The following DNER variants were observed in gnomAD, a reference collection of about 807,000 sequenced individuals.
DNER encodes delta/notch like EGF repeat containing, also known as delta and Notch-like epidermal growth factor-related receptor.
Under a neutral mutation model 78.2 loss-of-function variants are expected in DNER, and 33 were observed. The ratio of observed to expected loss-of-function variants is 0.42; its 90% CI spans 0.32 to 0.56. The LOEUF (loss-of-function observed/expected upper bound fraction) is 0.56, where lower values mean the gene tolerates loss of function less well. DNER is among the 20% of genes least tolerant of loss of function. The pLI is 0.11. For synonymous variants in DNER, 417 were observed against 384.8 expected, an observed-to-expected ratio of 1.08 and a Z score of -0.98; for missense variants, 918 against 975.3, an observed-to-expected ratio of 0.94 and a Z score of 0.78.
intron 1 of DNER, among the ~76,000 whole-genome samples, chr2:229,687,516 G>A (rs537932674): frequency 6.5e-4 from 99 of 151,860 alleles, no homozygotes; most frequent in Admixed American, 1.0e-3. Flanking sequence ...CACCTACCTC[G>A]GCCTCCCAAA....
intron 6 of DNER, among the ~76,000 whole-genome samples, chr2:229,505,177 A>AGTGTGTGTGTGT (rs144321798): frequency 0.069 from 8,741 of 126,346 alleles, 440 homozygotes; most frequent in African/African-American, 0.095. Context: ...GTGTTGCTGC[A>AGTGTGTGTGTGT]GTGTGTGTGT....
chr2:229,437,974 A>G (rs1694158486), intron 8 of DNER, among the ~76,000 whole-genome samples: 1 of 152,216 alleles, frequency 6.6e-6, no homozygotes, highest in African/African-American at 2.4e-5. Flanking sequence ...CATAGCTGTC[A>G]TGTGGTTATG....
At chr2:229,382,270 A>G (rs1692757385) in intron 11 of DNER, among the ~76,000 whole-genome samples, 2 of 152,208 alleles carry the variant, frequency 1.3e-5, no homozygotes, top group South Asian at 2.1e-4. Context: ...GGTCACCAAC[A>G]TCAAAGACCA....
chr2:229,374,789 T>TA lies in DNER; in HGVS notation c.1856-7671dup, dbSNP rs559811559. 5.7e-4 allele frequency among the ~76,000 whole-genome samples: 86 copies of TA among 149,738 alleles called. 1 individual carries two copies. Among genetic ancestry groups the TA allele is most frequent in the Admixed American group, 2.7e-3 (40 of 15,058 alleles). On this transcript the variant is annotated intron_variant, in intron 11 of 12. Transcript: ENST00000341772. ...AATGTAATGGGGCCAGACTCACATTTAAAAAAAAAAATTTAGAGAACTATT... is the reference window on the plus strand; with the variant it reads ...AATGTAATGGGGCCAGACTCACATTTAAAAAAAAAAAATTTAGAGAACTATT...
chr2:229,471,333 A>G (rs1051865949), intron 7 of DNER, among the ~76,000 whole-genome samples: 3 of 141,502 alleles, frequency 2.1e-5, no homozygotes, highest in African/African-American at 7.9e-5. Context: ...TTATATAGCT[A>G]GGTTACCCAA....
intron 1 of DNER, among the ~76,000 whole-genome samples, chr2:229,593,985 C>T (rs1001303160): frequency 6.6e-6 from 1 of 152,210 alleles, no homozygotes; most frequent in African/African-American, 2.4e-5. Context: ...AAGGCAAGGA[C>T]CACCCATCTG....
chr2:229,427,500 T>C (rs1475292168), intron 8 of DNER, among the ~76,000 whole-genome samples: 2 of 152,080 alleles, frequency 1.3e-5, no homozygotes, highest in African/African-American at 4.8e-5. Context: ...CAATCAATCA[T>C]TCAAGTCAAT....
intron 8 of DNER, among the ~76,000 whole-genome samples, chr2:229,436,285 C>A (rs944461470): frequency 1.3e-5 from 2 of 152,178 alleles, no homozygotes; most frequent in Non-Finnish European, 2.9e-5. Context: ...TGATCCCCTG[C>A]TTTTTCATGA....
intron 1 of DNER, among the ~76,000 whole-genome samples, chr2:229,650,747 T>G (rs1377277259): frequency 6.6e-6 from 1 of 152,190 alleles, no homozygotes; most frequent in African/African-American, 2.4e-5. Flanking sequence ...CCAGTCACTG[T>G]GCATTGTCAT....
chr2:229,416,292 G>A (rs1294131616), intron 9 of DNER, among the ~76,000 whole-genome samples: 1 of 152,112 alleles, frequency 6.6e-6, no homozygotes, highest in Non-Finnish European at 1.5e-5. Context: ...TTTCTTGAGT[G>A]TTTAGAGCTG....
At chr2:229,609,256 A>T (rs1054852768) in intron 1 of DNER, among the ~76,000 whole-genome samples, 2 of 152,200 alleles carry the variant, frequency 1.3e-5, no homozygotes, top group East Asian at 3.8e-4. Context: ...GATCTTCATC[A>T]TTCAAGCACC....
At chr2:229,639,792 CA>C (rs1027332499) in intron 1 of DNER, among the ~76,000 whole-genome samples, 4 of 152,194 alleles carry the variant, frequency 2.6e-5, no homozygotes, top group Non-Finnish European at 4.4e-5. Flanking sequence ...AAGATAGGAG[CA>C]AAAATCGGCC....
At chr2:229,390,690 A>G (rs61135746) in intron 10 of DNER, among the ~76,000 whole-genome samples, 4,480 of 152,368 alleles carry the variant, frequency 0.029, 96 homozygotes, top group African/African-American at 0.06. Flanking sequence ...TCACCATAAC[A>G]TTCTTACAGT....
intron 10 of DNER, among the ~76,000 whole-genome samples, chr2:229,391,571 TCA>T (rs1361305629): frequency 6.6e-6 from 1 of 152,196 alleles, no homozygotes; most frequent in Non-Finnish European, 1.5e-5. Flanking sequence ...GACAAAAATC[TCA>T]CTCTATCACC....
chr2:229,597,090 T>C (rs1252701360), intron 1 of DNER, among the ~76,000 whole-genome samples: 1 of 61,392 alleles, frequency 1.6e-5, no homozygotes, highest in African/African-American at 4.9e-5. Context: ...TGTGCACACA[T>C]GCACACACAC....
chr2:229,617,219 T>C (rs1698182162), intron 1 of DNER, among the ~76,000 whole-genome samples: 2 of 152,158 alleles, frequency 1.3e-5, no homozygotes, highest in South Asian at 4.1e-4. Flanking sequence ...TAACAGTAAA[T>C]GTACATTCCA....
chr2:229,524,906 C>T (rs947184519), intron 5 of DNER, among the ~76,000 whole-genome samples: 3 of 152,168 alleles, frequency 2.0e-5, no homozygotes, highest in Non-Finnish European at 2.9e-5. Flanking sequence ...GTTCTCAAGA[C>T]GTTTGTCACC....
intron 6 of DNER, among the ~76,000 whole-genome samples, chr2:229,483,504 G>A (rs1695209076): frequency 6.6e-6 from 1 of 152,180 alleles, no homozygotes; most frequent in Non-Finnish European, 1.5e-5. Context: ...GTTTAGCTGA[G>A]TAATTGGTTT....
chr2:229,691,317 T>C (rs1317579643), intron 1 of DNER, among the ~76,000 whole-genome samples: 1 of 152,196 alleles, frequency 6.6e-6, no homozygotes, highest in Non-Finnish European at 1.5e-5. Flanking sequence ...AGTTCATTTA[T>C]ATTTACTTGC....
Sources: gnomAD v4.1 joint callset for allele counts (sites outside exome capture counted in the v4.1 genomes callset) on GRCh38, gnomAD v4.1.1 for gene constraint, MANE v1.5 for transcripts, NCBI Gene and HGNC (gene_info 2026-07-23, HGNC 2026-07-21) for gene names.